Variants in NHLRC2 observed in about 807,000 individuals in gnomAD.
NHLRC2 encodes NHL repeat-containing protein 2.
A neutral mutation model predicts 68.1 loss-of-function variants in NHLRC2; 33 were observed. That is an observed-to-expected ratio of 0.48 (90% CI 0.37 to 0.65). The LOEUF (loss-of-function observed/expected upper bound fraction) is 0.65. Ranked by LOEUF, NHLRC2 falls within the 30% of genes least tolerant of loss-of-function variation. NHLRC2 has a pLI of 0.00. For synonymous variants in NHLRC2, 311 were observed against 309.6 expected, an observed-to-expected ratio of 1.00 and a Z score of -0.05; for missense variants, 761 against 853.8, an observed-to-expected ratio of 0.89 and a Z score of 1.35.
chr10:113,908,472 C>G lies in NHLRC2; in HGVS notation c.2117C>G (p.Pro706Arg), dbSNP rs781207741. 1 of 1,613,966 alleles carries G rather than the reference C, an allele frequency of 6.2e-7. No homozygotes were observed. The highest frequency in any genetic ancestry group is 8.5e-7 in the Non-Finnish European group (1 of 1,179,892). Residue 706 changes from proline (P) to arginine (R), a missense_variant, in exon 11 of 11, where the codon CCT becomes CGT. Coordinates refer to ENST00000369301, the MANE Select transcript of NHLRC2 (RefSeq NM_198514.4). ...ATGAAGGCAATTTTGTTCAGTCAGC[C>G]TTTACAAATAACGGATACACAGCAA... ...CMMKAILFSQ[P>R]LQITDTQQGC...
In NHLRC2 at chr10:113,912,831, C is replaced by T. The variant is rs953094353; in HGVS notation, c.*4295C>T. ...GGTGCCTGGCGCCAGCAGATGTTCA[C>T]TTCTGTCAAACAAGGGGAAGTAGTG... is the stretch of plus-strand genomic sequence containing the variant. On this transcript the variant is annotated 3_prime_UTR_variant, in exon 11 of 11. Coordinates refer to ENST00000369301, the MANE Select transcript of NHLRC2 (RefSeq NM_198514.4). The T allele has an allele frequency of 6.6e-6, 1 of 152,200 alleles. No individual in the cohort carries two copies. The highest frequency in any genetic ancestry group is 1.5e-5 in the Non-Finnish European group (1 of 68,032). The allele number at this position is 152,200 out of a possible 1,614,324, so 9.4% of individuals were successfully genotyped here.
chr10:113,891,075 T>G (rs1846126676), intron 5 of NHLRC2, among the ~76,000 whole-genome samples: 1 of 152,118 alleles, frequency 6.6e-6, no homozygotes, highest in Non-Finnish European at 1.5e-5. Context: ...TCCCTCGACT[T>G]GTGGGGATTA....
At chr10:113,862,635 G>A (rs1277685673) in intron 2 of NHLRC2, among the ~76,000 whole-genome samples, 1 of 152,086 alleles carries the variant, frequency 6.6e-6, no homozygotes. Flanking sequence ...GCAGAAATTG[G>A]CAGAATGAAT....
intron 2 of NHLRC2, among the ~76,000 whole-genome samples, chr10:113,869,472 T>C (rs1220270733): frequency 6.6e-6 from 1 of 152,228 alleles, no homozygotes; most frequent in Non-Finnish European, 1.5e-5. Context: ...TGATCCCATC[T>C]GTATGTTTGT....
At position 113,901,884 on chromosome 10, in the gene NHLRC2, A is replaced by G. The variant is rs138685496; in HGVS notation, c.1358A>G (p.Glu453Gly). The change falls in exon 7 of 11, where the codon GAA becomes GGA. Residue 453 changes from glutamate (E) to glycine (G), a missense_variant. Transcript: ENST00000369301. ...DGAVKHLVGG[E>G]RDPMNLFAFG... is the part of the protein sequence containing the mutation. ...GCAGTGAAGCACCTCGTAGGAGGAG[A>G]AAGAGACCCCATGGTAATGACAGTC... 1.3e-4 allele frequency: 204 copies of G among 1,610,562 alleles called. No homozygotes were observed. Among genetic ancestry groups the G allele is most frequent in the Middle Eastern group, 3.3e-4 (2 of 6,052 alleles).
intron 4 of NHLRC2, among the ~76,000 whole-genome samples, chr10:113,882,419 A>C (rs1030662385): frequency 6.6e-5 from 10 of 151,684 alleles, no homozygotes; most frequent in Non-Finnish European, 1.5e-4. Flanking sequence ...GTGGCATCTC[A>C]TTGTGGTTTT....
intron 2 of NHLRC2, among the ~76,000 whole-genome samples, chr10:113,861,704 G>A (rs1845817985): frequency 6.6e-6 from 1 of 152,170 alleles, no homozygotes; most frequent in Non-Finnish European, 1.5e-5. Flanking sequence ...TTCAAAGCCA[G>A]TGAAGAAATA....
At chr10:113,859,386 C>T (rs1274065691) in intron 2 of NHLRC2, among the ~76,000 whole-genome samples, 1 of 151,842 alleles carries the variant, frequency 6.6e-6, no homozygotes, top group Non-Finnish European at 1.5e-5. Context: ...AAGCACTAAT[C>T]TTGGAGTGGA....
At chr10:113,872,638 A>C (rs1248721216) in intron 2 of NHLRC2, among the ~76,000 whole-genome samples, 3 of 152,104 alleles carry the variant, frequency 2.0e-5, no homozygotes, top group African/African-American at 7.2e-5. Context: ...AGAAAAGAGA[A>C]GACAAATTCA....
intron 5 of NHLRC2, among the ~76,000 whole-genome samples, chr10:113,893,038 T>C (rs905127990): frequency 6.6e-6 from 1 of 152,196 alleles, no homozygotes; most frequent in African/African-American, 2.4e-5. Context: ...GCTGATGATC[T>C]GAACCAAACC....
At chr10:113,871,962 TAAAA>T (rs1213789086) in intron 2 of NHLRC2, among the ~76,000 whole-genome samples, 3 of 152,206 alleles carry the variant, frequency 2.0e-5, no homozygotes, top group Non-Finnish European at 4.4e-5. Context: ...AGGGGAGACT[TAAAA>T]GACTCCATGA....
At chr10:113,874,214 A>G (rs1217501618) in intron 2 of NHLRC2, among the ~76,000 whole-genome samples, 1 of 152,226 alleles carries the variant, frequency 6.6e-6, no homozygotes, top group Non-Finnish European at 1.5e-5. Context: ...ACTAGGTACT[A>G]TGCTAAATGC....
intron 6 of NHLRC2, among the ~76,000 whole-genome samples, chr10:113,900,426 T>C (rs1244995865): frequency 6.6e-6 from 1 of 152,202 alleles, no homozygotes; most frequent in Non-Finnish European, 1.5e-5. Flanking sequence ...TAGGCATAGA[T>C]GATTCAGAGC....
At chr10:113,872,648 A>T (rs1346381226) in intron 2 of NHLRC2, among the ~76,000 whole-genome samples, 1 of 152,094 alleles carries the variant, frequency 6.6e-6, no homozygotes. Flanking sequence ...AGACAAATTC[A>T]AAATTGTATT....
chr10:113,904,911 GCATTAGGCTTTCC>G lies in NHLRC2; in HGVS notation c.1801_1813del (p.Ile601ProfsTer2). 1 of 1,608,910 alleles carries G rather than the reference GCATTAGGCTTTCC, an allele frequency of 6.2e-7. No homozygotes were observed. Among genetic ancestry groups the G allele is most frequent in the Non-Finnish European group, 8.5e-7 (1 of 1,178,384 alleles). On this transcript the variant is annotated frameshift_variant, in exon 10 of 11. Coordinates refer to ENST00000369301, the MANE Select transcript of NHLRC2 (RefSeq NM_198514.4). LOFTEE classifies it high-confidence loss of function. Reference sequence around the variant, plus strand: ...CCCAAACTACCTAAATCTGCTCCAAGCATTAGGCTTTCCCCCGTGACTGCGTGTGCTGGCCAGA... The same window carrying G: ...CCCAAACTACCTAAATCTGCTCCAAGCCCGTGACTGCGTGTGCTGGCCAGA...
Position 113,854,813 on chromosome 10 carries a change from GTC to G in NHLRC2, c.-55_-54del, listed in dbSNP as rs1253743361. ...GAAACCACAGGACAGTGAACGTTTCGTCTCTCCCAGCGAGACTCTCCCGCGGG... is the reference window on the plus strand; with the variant it reads ...GAAACCACAGGACAGTGAACGTTTCGTCTCCCAGCGAGACTCTCCCGCGGG... On this transcript the variant is annotated 5_prime_UTR_variant, in exon 1 of 11. Coordinates refer to ENST00000369301, the MANE Select transcript of NHLRC2 (RefSeq NM_198514.4). 4.9e-6 allele frequency: 7 copies of G among 1,438,674 alleles called. No individual in the cohort carries two copies. In the Admixed American group the frequency reaches 7.2e-5, roughly 15 times the overall value. The allele number at this position is 1,438,674 out of a possible 1,614,324, so 89.1% of individuals were successfully genotyped here.
intron 2 of NHLRC2, among the ~76,000 whole-genome samples, chr10:113,872,080 A>G (rs1845930851): frequency 1.3e-5 from 2 of 152,082 alleles, no homozygotes; most frequent in South Asian, 4.1e-4. Flanking sequence ...TACTGAACAC[A>G]GGTTTGGACA....
rs924402417 is a variant in NHLRC2, at chr10:113,913,401, GA to G, written c.*4867del. On this transcript the variant is annotated 3_prime_UTR_variant, in exon 11 of 11. Transcript: ENST00000369301. ...ATTATATACTGTTATTCAGACCTTG[GA>G]ACAGTCTATAATTGTTTGTCAAAAG... is the stretch of plus-strand genomic sequence containing the variant. 3 of 151,938 alleles carry G rather than the reference GA, an allele frequency of 2.0e-5. No homozygotes were observed. Among genetic ancestry groups the G allele is most frequent in the African/African-American group, 7.3e-5 (3 of 41,342 alleles). The allele number at this position is 151,938 out of a possible 1,614,324, so 9.4% of individuals were successfully genotyped here.
In NHLRC2 at chr10:113,897,545, C is replaced by G. The variant is rs1195650454; in HGVS notation, c.1040-565C>G. ...CTCTAAGTGCATCGTGTGCTTTGAG[C>G]CTTTTATTTGGATGCCAGTATATGT... On this transcript the variant is annotated intron_variant, in intron 5 of 10. Transcript: ENST00000369301. Among the ~76,000 whole-genome samples, 4 of 152,122 alleles carry G rather than the reference C, an allele frequency of 2.6e-5. No individual in the cohort carries two copies. The East Asian group carries it at 7.7e-4, about 29-fold the overall frequency.
Sources: gnomAD v4.1 joint callset for allele counts (sites outside exome capture counted in the v4.1 genomes callset) on GRCh38, gnomAD v4.1.1 for gene constraint, MANE v1.5 for transcripts, NCBI Gene and HGNC (gene_info 2026-07-23, HGNC 2026-07-21) for gene names.